The following STON1 variants were observed in gnomAD, a reference collection of about 807,000 sequenced individuals.
STON1 encodes the protein stonin 1.
A neutral mutation model predicts 60.9 loss-of-function variants in STON1; 79 were observed. That is an observed-to-expected ratio of 1.30 (90% CI 1.08 to 1.56). The LOEUF is 1.56. Among genes scored for constraint, STON1 ranks in the 40% most tolerant of loss-of-function variants. The probability of loss-of-function intolerance (pLI) is 0.00; values close to 1 mark genes in which losing one functional copy is unlikely to be tolerated. For missense variants in STON1, 1,166 were observed against 858.9 expected, an observed-to-expected ratio of 1.36 and a Z score of -4.47; for synonymous variants, 363 against 306.9, an observed-to-expected ratio of 1.18 and a Z score of -1.91.
chr2:48,554,794 TGGGACAATA>T (rs1483881181), intron 1 of STON1, among the ~76,000 whole-genome samples: 5 of 62,818 alleles, frequency 8.0e-5, no homozygotes, highest in Admixed American at 3.1e-4. Flanking sequence ...GGCAGGGTCA[TGGGACAATA>T]GTGGAGGGAA....
intron 1 of STON1, among the ~76,000 whole-genome samples, chr2:48,540,235 A>G (rs1671600839): frequency 6.6e-6 from 1 of 152,136 alleles, no homozygotes; most frequent in South Asian, 2.1e-4. Flanking sequence ...GTGTTATGAT[A>G]TATACTAGTT....
chr2:48,578,184 C>G (rs1673628581), intron 1 of STON1, among the ~76,000 whole-genome samples: 1 of 152,082 alleles, frequency 6.6e-6, no homozygotes, highest in African/African-American at 2.4e-5. Context: ...ACCATGTTGG[C>G]CATGCTGGCC....
chr2:48,544,343 C>G (rs1014296153), intron 1 of STON1, among the ~76,000 whole-genome samples: 2 of 152,058 alleles, frequency 1.3e-5, no homozygotes, highest in Non-Finnish European at 2.9e-5. Context: ...CATTGCAGAG[C>G]TAAGTCAGGA....
At chr2:48,569,883 T>A (rs1186516290) in intron 1 of STON1, among the ~76,000 whole-genome samples, 2 of 152,226 alleles carry the variant, frequency 1.3e-5, no homozygotes, top group African/African-American at 2.4e-5. Context: ...GAGTGTCATG[T>A]TGGCATTCAA....
At chr2:48,560,285 C>G (rs1672556422) in intron 1 of STON1, among the ~76,000 whole-genome samples, 1 of 152,196 alleles carries the variant, frequency 6.6e-6, no homozygotes, top group Admixed American at 6.5e-5. Flanking sequence ...GCCAAACGCT[C>G]TTCAGCTAAC....
chr2:48,594,344 A>G (rs1674684454), intron 3 of STON1, among the ~76,000 whole-genome samples: 1 of 152,162 alleles, frequency 6.6e-6, no homozygotes, highest in Admixed American at 6.6e-5. Flanking sequence ...ATTTTAGTGG[A>G]CAATTAAAAA....
rs1674876746 is a variant in STON1 at position 48,598,372 on chromosome 2, T to C, written c.*3070T>C. 6.6e-6 allele frequency: 1 copy of C among 152,662 alleles called. No individual in the cohort carries two copies. The highest frequency in any genetic ancestry group is 1.5e-5 in the Non-Finnish European group (1 of 68,044). The allele number at this position is 152,662 out of a possible 1,614,324, so 9.5% of individuals were successfully genotyped here. Reference sequence around the variant, plus strand: ...TCAGTTAGAAGGACTTCCTTAACAATGACTATTATAATGTCTTACTTAAAA... The same window carrying C: ...TCAGTTAGAAGGACTTCCTTAACAACGACTATTATAATGTCTTACTTAAAA... On this transcript the variant is annotated 3_prime_UTR_variant, in exon 4 of 4. Transcript: ENST00000404752.
At chr2:48,554,264 C>T (rs1036259426) in intron 1 of STON1, among the ~76,000 whole-genome samples, 16 of 152,074 alleles carry the variant, frequency 1.1e-4, no homozygotes, top group African/African-American at 3.9e-4. Flanking sequence ...CTTTGTCGCC[C>T]GAGCTGGAGG....
intron 1 of STON1, among the ~76,000 whole-genome samples, chr2:48,579,242 T>C (rs1329521659): frequency 6.6e-6 from 1 of 151,990 alleles, no homozygotes; most frequent in African/African-American, 2.4e-5. Flanking sequence ...TGACCTCAGG[T>C]GATCTGCTCT....
chr2:48,565,085 C>T (rs2103848440), intron 1 of STON1, among the ~76,000 whole-genome samples: 1 of 139,384 alleles, frequency 7.2e-6, no homozygotes, highest in Non-Finnish European at 1.5e-5. Flanking sequence ...AGGAGTCTCG[C>T]TCTGTCGCCC....
chr2:48,554,711 T>TA (rs1249314391), intron 1 of STON1, among the ~76,000 whole-genome samples: 5,119 of 81,772 alleles, frequency 0.063, 934 homozygotes, highest in African/African-American at 0.2. Flanking sequence ...TGCAAAATTT[T>TA]TTTTTTTTTT....
At chr2:48,544,421 G>A (rs889978986) in intron 1 of STON1, among the ~76,000 whole-genome samples, 2 of 152,132 alleles carry the variant, frequency 1.3e-5, no homozygotes, top group Non-Finnish European at 2.9e-5. Flanking sequence ...TCAGAGAAAG[G>A]GCTGACACAT....
chr2:48,581,062 A>G lies in STON1; in HGVS notation c.429A>G (p.Thr143=). 1 of 1,595,432 alleles carries G rather than the reference A, an allele frequency of 6.3e-7. No homozygotes were observed. Among genetic ancestry groups the G allele is most frequent in the Non-Finnish European group, 8.5e-7 (1 of 1,172,788 alleles). Residue 143 remains threonine (T), a synonymous_variant, in exon 2 of 4, where the codon ACA becomes ACG. Coordinates refer to ENST00000404752, the MANE Select transcript of STON1 (RefSeq NM_006873.4). The part of the protein sequence containing the change: ...HALLPSDHSC[T]HPTPKVGLPD... ...TGTTACCCAGTGACCACTCATGTAC[A>G]CATCCAACTCCCAAAGTAGGTCTTC...
chr2:48,561,917 G>C (rs1672629681), intron 1 of STON1, among the ~76,000 whole-genome samples: 1 of 152,178 alleles, frequency 6.6e-6, no homozygotes, highest in Non-Finnish European at 1.5e-5. Context: ...CTGGAGTGCA[G>C]TGGTGCAATC....
intron 3 of STON1, 105 bp downstream of exon 3, chr2:48,591,960 T>A: frequency 6.9e-7 from 1 of 1,448,372 alleles, no homozygotes; most frequent in East Asian, 2.5e-5. Context: ...ATATGTGTGG[T>A]GAGATTTGCC....
chr2:48,547,739 G>A (rs1415553328), intron 1 of STON1, among the ~76,000 whole-genome samples: 1 of 152,188 alleles, frequency 6.6e-6, no homozygotes, highest in Non-Finnish European at 1.5e-5. Context: ...ATGTCTCCCG[G>A]AGCATAGATA....
At chr2:48,558,005 C>T (rs1349148314) in intron 1 of STON1, among the ~76,000 whole-genome samples, 1 of 152,112 alleles carries the variant, frequency 6.6e-6, no homozygotes, top group Non-Finnish European at 1.5e-5. Context: ...GGTGGATCAC[C>T]TGAGGTCGGG....
intron 2 of STON1, among the ~76,000 whole-genome samples, 171 bp from the exon 3 acceptor site, chr2:48,591,481 CT>C (rs1377554238): frequency 6.6e-6 from 1 of 152,172 alleles, no homozygotes; most frequent in Non-Finnish European, 1.5e-5. Flanking sequence ...AGCTTTCCCC[CT>C]AGTTGGTGCA....
chr2:48,574,975 T>C (rs1012305098), intron 1 of STON1, among the ~76,000 whole-genome samples: 3 of 152,244 alleles, frequency 2.0e-5, no homozygotes, highest in Non-Finnish European at 2.9e-5. Flanking sequence ...AACCTTTTCA[T>C]CTTACATAAC....
Sources: allele counts gnomAD v4.1 joint callset (sites outside exome capture counted in the v4.1 genomes callset), GRCh38; gene constraint gnomAD v4.1.1; transcripts MANE v1.5; gene names NCBI Gene and HGNC (gene_info 2026-07-23, HGNC 2026-07-21).